ZNF423: variants seen among roughly 807,000 people sequenced by gnomAD.
ZNF423 encodes zinc finger protein 423.
In ZNF423, 12 loss-of-function variants were observed where a neutral mutation model predicts 95.8. The observed-to-expected ratio is 0.13, with a 90% CI of 0.08 to 0.20. The LOEUF (loss-of-function observed/expected upper bound fraction) is 0.20. ZNF423 is among the 10% of genes least tolerant of loss of function. ZNF423 has a pLI of 1.00. For synonymous variants in ZNF423, 749 were observed against 711.9 expected (o/e 1.05, Z -0.83); for missense variants, 1,316 against 1,737.1 (o/e 0.76, Z 4.31).
At chr16:49,796,302 G>T (rs1419994956) in intron 1 of ZNF423, among the ~76,000 whole-genome samples, 3 of 151,960 alleles carry the variant, frequency 2.0e-5, no homozygotes, top group Admixed American at 2.0e-4. Context: ...CAGATATCCA[G>T]TGGCACAGAG....
chr16:49,627,758 A>C, intron 4 of ZNF423, among the ~76,000 whole-genome samples: 1 of 142,380 alleles, frequency 7.0e-6, no homozygotes, highest in African/African-American at 2.7e-5. Context: ...ATCTACATAA[A>C]CACCCACCCA....
chr16:49,525,509 C>G lies in ZNF423; in HGVS notation c.3602-15G>C. 6 of 1,613,774 alleles carry G rather than the reference C, an allele frequency of 3.7e-6. No homozygotes were observed. The highest frequency in any genetic ancestry group is 5.1e-6 in the Non-Finnish European group (6 of 1,179,888). ...GATGCCTTCCTCTGCAAGGAAAACC[C>G]GTGACCAGTCAGTGACCAGCATGCC... is the stretch of plus-strand genomic sequence containing the variant. On this transcript the variant is annotated splice_polypyrimidine_tract_variant and intron_variant, in intron 5 of 7. Coordinates refer to ENST00000563137, the MANE Select transcript of ZNF423 (RefSeq NM_001379286.1).
intron 2 of ZNF423, among the ~76,000 whole-genome samples, chr16:49,732,589 T>C (rs529272561): frequency 3.4e-4 from 52 of 152,330 alleles, no homozygotes; most frequent in Admixed American, 2.0e-3. Context: ...TGTGTGTACA[T>C]GCAACATCAC....
chr16:49,519,697 G>T (rs1164205289), intron 7 of ZNF423, among the ~76,000 whole-genome samples: 2 of 152,310 alleles, frequency 1.3e-5, no homozygotes, highest in African/African-American at 4.8e-5. Context: ...TCTTAACCAT[G>T]TCTTTCAAAA....
chr16:49,606,296 G>A (rs142162380), intron 5 of ZNF423, among the ~76,000 whole-genome samples: 22 of 152,252 alleles, frequency 1.4e-4, no homozygotes, highest in Non-Finnish European at 1.9e-4. Context: ...ATGAGGGTAT[G>A]TGACTGGGAA....
intron 3 of ZNF423, chr16:49,664,351 G>C: frequency 1.1e-6 from 1 of 947,724 alleles, no homozygotes; most frequent in East Asian, 1.2e-4. Flanking sequence ...GAAGGGCCTT[G>C]GGGAAGAAAA....
At chr16:49,561,862 C>T (rs1477374821) in intron 5 of ZNF423, among the ~76,000 whole-genome samples, 1 of 152,204 alleles carries the variant, frequency 6.6e-6, no homozygotes, top group Non-Finnish European at 1.5e-5. Flanking sequence ...ATTGCGGTCG[C>T]CCTGCTCACT....
intron 7 of ZNF423, chr16:49,518,672 A>G: frequency 5.4e-6 from 2 of 370,012 alleles, no homozygotes; most frequent in Non-Finnish European, 1.0e-5. Context: ...CTATGGCGAT[A>G]TATTTTTACC....
chr16:49,538,838 A>G (rs553172137), intron 5 of ZNF423, among the ~76,000 whole-genome samples: 18 of 152,374 alleles, frequency 1.2e-4, no homozygotes, highest in African/African-American at 4.3e-4. Flanking sequence ...GCTATGTGAA[A>G]TAAAAAGGTA....
chr16:49,673,068 AC>A (rs2030886596), intron 3 of ZNF423, among the ~76,000 whole-genome samples: 1 of 151,878 alleles, frequency 6.6e-6, no homozygotes, highest in African/African-American at 2.4e-5. Flanking sequence ...GAGGCTCACC[AC>A]CCCGCCGTGG....
At chr16:49,579,354 C>G (rs560462922) in intron 5 of ZNF423, among the ~76,000 whole-genome samples, 1 of 152,066 alleles carries the variant, frequency 6.6e-6, no homozygotes, top group South Asian at 2.1e-4. Context: ...CACACTAGGG[C>G]CCTCAGGATC....
intron 5 of ZNF423, among the ~76,000 whole-genome samples, chr16:49,610,724 T>C (rs1488983051): frequency 1.3e-5 from 2 of 151,912 alleles, no homozygotes; most frequent in East Asian, 1.9e-4. Flanking sequence ...AAGATGAAGA[T>C]TGGCAGACTG....
chr16:49,530,245 T>C (rs1968790519), intron 5 of ZNF423, among the ~76,000 whole-genome samples: 1 of 151,916 alleles, frequency 6.6e-6, no homozygotes, highest in Non-Finnish European at 1.5e-5. Flanking sequence ...CCCCAGACCA[T>C]CCCACACTCC....
chr16:49,842,447 A>AGGCAGGCAGGCT (rs1175568058), intron 1 of ZNF423, among the ~76,000 whole-genome samples: 1 of 144,102 alleles, frequency 6.9e-6, no homozygotes, highest in Non-Finnish European at 1.5e-5. Flanking sequence ...GCAGGCAGGC[A>AGGCAGGCAGGCT]GGCCCATAAA....
intron 7 of ZNF423, among the ~76,000 whole-genome samples, chr16:49,500,679 C>T (rs911846307): frequency 1.3e-5 from 2 of 151,774 alleles, no homozygotes; most frequent in African/African-American, 4.8e-5. Context: ...ACTTTGGAGG[C>T]TGAAGTGGGA....
chr16:49,566,334 C>T lies in ZNF423; in HGVS notation c.3602-40840G>A, dbSNP rs139233436. 3.3e-3 allele frequency among the ~76,000 whole-genome samples: 504 copies of T among 152,338 alleles called. 10 individuals carry two copies. Among genetic ancestry groups the T allele is most frequent in the East Asian group, 0.025 (129 of 5,176 alleles). ...TTAGATTTCTCTGCTTACAGAGCAGCACCCATAAAAGTCTGGGTCACCCAA... is the reference window on the plus strand; with the variant it reads ...TTAGATTTCTCTGCTTACAGAGCAGTACCCATAAAAGTCTGGGTCACCCAA... On this transcript the variant is annotated intron_variant, in intron 5 of 7. Coordinates refer to ENST00000563137, the MANE Select transcript of ZNF423 (RefSeq NM_001379286.1).
intron 3 of ZNF423, among the ~76,000 whole-genome samples, chr16:49,700,590 A>T (rs764082824): frequency 6.6e-6 from 1 of 152,174 alleles, no homozygotes; most frequent in Non-Finnish European, 1.5e-5. Flanking sequence ...CCTGCAACTC[A>T]CAGCCCAGGG....
intron 5 of ZNF423, among the ~76,000 whole-genome samples, chr16:49,546,577 A>G (rs926420270): frequency 7.9e-5 from 12 of 152,352 alleles, no homozygotes; most frequent in East Asian, 1.9e-4. Context: ...CTTCCATTAC[A>G]AAGTTCAAGA....
At chr16:49,659,244 T>C (rs116394083) in intron 3 of ZNF423, among the ~76,000 whole-genome samples, 2,186 of 152,164 alleles carry the variant, frequency 0.014, 63 homozygotes, top group African/African-American at 0.049. Context: ...GTGCCACCAC[T>C]CCTGGCTAAT....
Sources: gnomAD v4.1 joint callset for allele counts (sites outside exome capture counted in the v4.1 genomes callset) on GRCh38, gnomAD v4.1.1 for gene constraint, MANE v1.5 for transcripts, NCBI Gene and HGNC (gene_info 2026-07-23, HGNC 2026-07-21) for gene names.